PPP6R2: variants seen among roughly 807,000 people sequenced by gnomAD.
PPP6R2 encodes the protein protein phosphatase 6 regulatory subunit 2.
In PPP6R2, 62 loss-of-function variants were observed where a neutral mutation model predicts 100.2. The ratio of observed to expected loss-of-function variants is 0.62; its 90% confidence interval spans 0.50 to 0.76. The LOEUF is 0.76. PPP6R2 is among the 30% of genes least tolerant of loss of function. The probability of loss-of-function intolerance (pLI) is 0.00; values close to 1 mark genes in which losing one functional copy is unlikely to be tolerated. For synonymous variants in PPP6R2, 525 were observed against 514.7 expected (o/e 1.02, Z -0.27); for missense variants, 1,142 against 1,276.3 (o/e 0.89, Z 1.60).
At position 50,431,347 on chromosome 22, in the gene PPP6R2, G is replaced by T. The variant is rs35376907; in HGVS notation, c.1300G>T (p.Ala434Ser). Reference protein sequence around the residue: ...GNRSLETPQPAASLPDNTMVT... With the variant: ...GNRSLETPQPSASLPDNTMVT... ...CCGGAGCCTGGAGACTCCCCAGCCG[G>T]CCGCCAGCCTCCCTGACAACACAAT... The change falls in exon 11 of 24, where the codon GCC (alanine) becomes TCC (serine). Residue 434 changes from alanine to serine, a missense_variant. Around this residue, in one of 2 missense-constraint regions of PPP6R2, gnomAD observed 592 missense variants for 758.9 expected, o/e 0.78. Transcript: ENST00000612753. The surrounding 1 kb of genome is among the most constrained non-coding windows in gnomAD (Gnocchi z 4.8). 1,253 of 1,612,820 alleles carry T rather than the reference G, an allele frequency of 7.8e-4. 12 individuals carry two copies. The African/African-American group carries it at 0.015, about 19-fold the overall frequency.
chr22:50,373,960 C>A (rs934029718), intron 2 of PPP6R2, among the ~76,000 whole-genome samples: 1 of 152,002 alleles, frequency 6.6e-6, no homozygotes, highest in African/African-American at 2.4e-5. Flanking sequence ...TCTTGAATTC[C>A]TGACCTCAAG....
intron 10 of PPP6R2, among the ~76,000 whole-genome samples, chr22:50,427,338 C>G (rs1372570992): frequency 2.0e-5 from 3 of 152,152 alleles, no homozygotes; most frequent in African/African-American, 7.2e-5. Flanking sequence ...TGTGAGTTTT[C>G]CAACTTTGTT....
intron 1 of PPP6R2, among the ~76,000 whole-genome samples, 176 bp from the exon 2 acceptor site, chr22:50,371,844 C>T (rs918381386): frequency 6.6e-6 from 1 of 152,110 alleles, no homozygotes; most frequent in African/African-American, 2.4e-5. Context: ...TTCCATGTCA[C>T]CCAAGCTAGT....
chr22:50,397,540 GGGGGGCA>G (rs915812124), intron 3 of PPP6R2, among the ~76,000 whole-genome samples: 1 of 116,706 alleles, frequency 8.6e-6, no homozygotes, highest in African/African-American at 4.1e-5. Context: ...TTGGGATGCT[GGGGGGCA>G]GGGGGCCTGT....
rs2065217294 is a variant in PPP6R2 at position 50,439,983 on chromosome 22, A to G, written c.2308A>G (p.Ser770Gly). 6.2e-7 allele frequency: 1 copy of G among 1,613,592 alleles called. No homozygotes were observed. The highest frequency in any genetic ancestry group is 2.2e-5 in the East Asian group (1 of 44,888). ...FCCSESGPRC[S>G]SPVDTECSHA... is the part of the protein sequence containing the mutation. The stretch of plus-strand genomic sequence containing the variant: ...CAGCTCCGAGTCAGGGCCCAGGTGC[A>G]GCTCTCCGGTGGACACAGAATGCAG... Residue 770 changes from serine (S) to glycine (G), a missense_variant, in exon 21 of 24, where the codon AGC (serine) becomes GGC (glycine). Physicochemically the swap from Ser to Gly is moderately conservative, Grantham distance 56. This residue lies in a region of PPP6R2 where 550 missense variants were observed against 517.4 expected (regional missense o/e 1.06). Coordinates refer to ENST00000612753, the MANE Select transcript of PPP6R2 (RefSeq NM_001242898.2).
chr22:50,439,743 C>T lies in PPP6R2; in HGVS notation c.2171C>T (p.Thr724Met), dbSNP rs148549099. 7.4e-6 allele frequency: 12 copies of T among 1,612,224 alleles called. No homozygotes were observed. The highest frequency in any genetic ancestry group is 5.5e-5 in the South Asian group (5 of 90,890). ...TAVFDEPANSTPTAPGVVRDV... is the reference protein window; with the variant it reads ...TAVFDEPANSMPTAPGVVRDV... ...GTGTTTGATGAGCCAGCGAACTCAA[C>T]GCCCACAGCCCCAGGAGTGGTGAGG... The change falls in exon 20 of 24, where the codon ACG (threonine) becomes ATG (methionine). Residue 724 changes from threonine (T) to methionine (M), a missense_variant. Thr to Met is a moderately conservative substitution (Grantham distance 81, BLOSUM62 -1). Coordinates refer to ENST00000612753, the MANE Select transcript of PPP6R2 (RefSeq NM_001242898.2).
rs1406654764 is a variant in PPP6R2 at position 50,438,601 on chromosome 22, T to C, written c.1967T>C (p.Phe656Ser). 1.2e-6 allele frequency: 2 copies of C among 1,613,538 alleles called. No individual in the cohort carries two copies. The highest frequency in any genetic ancestry group is 1.1e-5 in the South Asian group (1 of 91,060). Residue 656 changes from phenylalanine to serine, a missense_variant and splice_region_variant, in exon 19 of 24, where the codon TTT (phenylalanine) becomes TCT (serine). Coordinates refer to ENST00000612753, the MANE Select transcript of PPP6R2 (RefSeq NM_001242898.2). ...CAARVMARPR[F>S]GAPHASESCS... ...ATCTGACTCTGAATCTCCCCCAGGT[T>C]TGGAGCCCCCCATGCTTCAGAGAGT...
the PPP6R2 span, among the ~76,000 whole-genome samples, chr22:50,337,857 T>C: frequency 1.5e-5 from 2 of 134,802 alleles, no homozygotes; most frequent in Non-Finnish European, 3.2e-5. Flanking sequence ...GGTGTGTTGG[T>C]GTGTCTGTGT....
At chr22:50,415,533 A>G (rs2060412971) in intron 5 of PPP6R2, among the ~76,000 whole-genome samples, 2 of 152,250 alleles carry the variant, frequency 1.3e-5, no homozygotes, top group African/African-American at 4.8e-5. Flanking sequence ...CGAAGTAGCC[A>G]CGGGGGGACA....
the PPP6R2 span, among the ~76,000 whole-genome samples, chr22:50,337,145 G>C: frequency 2.7e-5 from 4 of 148,900 alleles, no homozygotes. Flanking sequence ...GTGTCTGTGT[G>C]TACAGTGTGT....
At chr22:50,420,089 C>T (rs181226354) in intron 8 of PPP6R2, among the ~76,000 whole-genome samples, 18 of 152,358 alleles carry the variant, frequency 1.2e-4, no homozygotes, top group African/African-American at 4.3e-4. Flanking sequence ...TTAATTGCTC[C>T]CAGTCTGGCA....
upstream of PPP6R2, among the ~76,000 whole-genome samples, chr22:50,343,108 G>A (rs923928781): frequency 2.3e-4 from 35 of 152,184 alleles, no homozygotes; most frequent in Non-Finnish European, 3.4e-4. Context: ...AAACGTAAAA[G>A]GGGAAAGACG....
At chr22:50,401,719 T>C (rs2058073621) in intron 3 of PPP6R2, among the ~76,000 whole-genome samples, 1 of 151,736 alleles carries the variant, frequency 6.6e-6, no homozygotes, top group African/African-American at 2.4e-5. Flanking sequence ...CTCGGCTCAC[T>C]GTAAGCTTCG....
rs570442628 is a variant in PPP6R2 at position 50,419,074 on chromosome 22, C to A, written c.731+95C>A. ...CTCTGAGCACCAGGATATGTTGCCACCTCCTCTGATTCACATTCGAATGAA... is the reference window on the plus strand; with the variant it reads ...CTCTGAGCACCAGGATATGTTGCCAACTCCTCTGATTCACATTCGAATGAA... On this transcript the variant is annotated intron_variant, in intron 7 of 23. Transcript: ENST00000612753. The A allele has an allele frequency of 1.1e-4, 109 of 1,005,220 alleles. No homozygotes were observed. In the South Asian group the frequency reaches 1.2e-3, roughly 11 times the overall value. The allele number at this position is 1,005,220 out of a possible 1,614,324, so 62.3% of individuals were successfully genotyped here.
intron 2 of PPP6R2, among the ~76,000 whole-genome samples, chr22:50,389,679 A>G (rs1602979872): frequency 6.6e-6 from 1 of 150,620 alleles, no homozygotes; most frequent in African/African-American, 2.4e-5. Flanking sequence ...GCTCACTGCA[A>G]CCTCCACTTC....
chr22:50,340,401 G>GT (rs2042359109), upstream of PPP6R2, among the ~76,000 whole-genome samples: 1 of 132,100 alleles, frequency 7.6e-6, no homozygotes, highest in Admixed American at 7.7e-5. Context: ...TGGTGTGTGT[G>GT]GTGTGTGTGT....
chr22:50,444,055 C>T lies in PPP6R2; in HGVS notation c.2769C>T (p.Pro923=). Residue 923 remains proline (P), a synonymous_variant, in exon 23 of 24, where the codon CCC becomes CCT. Transcript: ENST00000612753. ...SALAVAVPLG[P]IMAVTAAPAM... is the part of the protein sequence containing the mutation. Reference sequence around the variant, plus strand: ...TGGCCGTGGCGGTCCCCCTAGGGCCCATCATGGCAGTCACAGCAGCCCCAG... The same window carrying T: ...TGGCCGTGGCGGTCCCCCTAGGGCCTATCATGGCAGTCACAGCAGCCCCAG... The T allele has an allele frequency of 3.1e-6, 5 of 1,613,034 alleles. No homozygotes were observed. Among genetic ancestry groups the T allele is most frequent in the Non-Finnish European group, 4.2e-6 (5 of 1,179,698 alleles).
intron 2 of PPP6R2, 34 bp from the exon 3 acceptor site, chr22:50,393,859 G>C: frequency 6.2e-7 from 1 of 1,611,582 alleles, no homozygotes; most frequent in Non-Finnish European, 8.5e-7. Flanking sequence ...ATTTGCAAGG[G>C]TGAGAGACGT....
At position 50,443,870 on chromosome 22, in the gene PPP6R2, G is replaced by A. The variant is rs200904804; in HGVS notation, c.2584G>A (p.Gly862Arg). 3.5e-4 allele frequency: 555 copies of A among 1,578,026 alleles called. 3 individuals carry two copies. Among genetic ancestry groups the A allele is most frequent in the Admixed American group, 1.9e-3 (106 of 56,478 alleles). ...GAGTCCATGTTTGCCACACAGGGTC[G>A]GGTGTGCTGACAGCCGGCTGTTAAG... ...ARTEEAVGRV[G>R]CADSRLLSPA... Residue 862 changes from glycine (G) to arginine (R), a missense_variant, in exon 23 of 24, where the codon GGG becomes AGG. Coordinates refer to ENST00000612753, the MANE Select transcript of PPP6R2 (RefSeq NM_001242898.2).
Sources: allele counts gnomAD v4.1 joint callset (sites outside exome capture counted in the v4.1 genomes callset), GRCh38; gene constraint gnomAD v4.1.1; regional missense constraint gnomAD v4.1.1; non-coding constraint Gnocchi (gnomAD v3.1); transcripts MANE v1.5; gene names NCBI Gene and HGNC (gene_info 2026-07-23, HGNC 2026-07-21).